Variants in ADAM22 observed in about 807,000 individuals in gnomAD.
The protein encoded by ADAM22 is ADAM metallopeptidase domain 22, also known as disintegrin and metalloproteinase domain-containing protein 22.
A neutral mutation model predicts 144.6 loss-of-function variants in ADAM22; 65 were observed. That is an observed-to-expected ratio of 0.45 (90% CI 0.37 to 0.55). The LOEUF is 0.55. Among genes scored for constraint, ADAM22 ranks in the 20% least tolerant of loss-of-function variants. ADAM22 has a pLI of 0.00. For missense variants in ADAM22, 974 were observed against 1,184.9 expected (o/e 0.82, Z 2.61); for synonymous variants, 391 against 412.6 (o/e 0.95, Z 0.63).
At chr7:88,195,870 T>C (rs1850582827) in intron 31 of ADAM22, among the ~76,000 whole-genome samples, 1 of 152,078 alleles carries the variant, frequency 6.6e-6, no homozygotes, top group African/African-American at 2.4e-5. Context: ...ATGGCAGTGA[T>C]TTTCAAGTGG....
At chr7:88,007,198 G>T (rs1308400738) in intron 3 of ADAM22, among the ~76,000 whole-genome samples, 2 of 152,168 alleles carry the variant, frequency 1.3e-5, no homozygotes, top group African/African-American at 4.8e-5. Context: ...CAAGGGATGT[G>T]AAGGACCTCT....
At chr7:87,971,096 G>A (rs1184507410) in intron 2 of ADAM22, among the ~76,000 whole-genome samples, 2 of 152,036 alleles carry the variant, frequency 1.3e-5, no homozygotes, top group African/African-American at 4.8e-5. Flanking sequence ...ATAACTCTGA[G>A]TTTGTAAGGT....
At chr7:88,072,058 G>A (rs1812979188) in intron 3 of ADAM22, among the ~76,000 whole-genome samples, 1 of 152,176 alleles carries the variant, frequency 6.6e-6, no homozygotes, top group African/African-American at 2.4e-5. Flanking sequence ...TTATGGTTTA[G>A]TAGAGGGAAA....
chr7:88,149,780 G>A (rs1396120628), intron 18 of ADAM22, among the ~76,000 whole-genome samples: 1 of 152,122 alleles, frequency 6.6e-6, no homozygotes, highest in Non-Finnish European at 1.5e-5. Flanking sequence ...TGAAAGAATA[G>A]TATTTATTTA....
chr7:87,934,528 T>A lies in ADAM22; in HGVS notation c.63T>A (p.Pro21=). 1.9e-6 allele frequency: 3 copies of A among 1,608,748 alleles called. No individual in the cohort carries two copies. The highest frequency in any genetic ancestry group is 2.5e-6 in the Non-Finnish European group (3 of 1,179,570). ...TGCTCTGTGTCCTGGGGACCTGCCCTCCGGCGCGCTGCGGCCAGGCAGGTA... is the reference window on the plus strand; with the variant it reads ...TGCTCTGTGTCCTGGGGACCTGCCCACCGGCGCGCTGCGGCCAGGCAGGTA... ...FLLLCVLGTC[P]PARCGQAGDA... Residue 21 remains proline, a synonymous_variant, in exon 1 of 32, where the codon CCT becomes CCA. Transcript: ENST00000413139.
intron 9 of ADAM22, among the ~76,000 whole-genome samples, chr7:88,129,147 G>A (rs1831134925): frequency 1.3e-5 from 2 of 151,984 alleles, no homozygotes; most frequent in East Asian, 3.9e-4. Flanking sequence ...TTTAGCTTAG[G>A]ATGAAGTTTC....
chr7:88,190,822 T>C (rs1220787119), intron 30 of ADAM22, among the ~76,000 whole-genome samples: 1 of 151,934 alleles, frequency 6.6e-6, no homozygotes, highest in African/African-American at 2.4e-5. Flanking sequence ...GTGCTCTCCA[T>C]CTTCCCAAAA....
intron 2 of ADAM22, among the ~76,000 whole-genome samples, chr7:87,974,059 C>G (rs942509650): frequency 1.9e-4 from 28 of 149,138 alleles, no homozygotes; most frequent in African/African-American, 5.7e-4. Flanking sequence ...GCACGTTGTG[C>G]ACATGTACCC....
At chr7:87,955,483 G>A (rs921125641) in intron 2 of ADAM22, among the ~76,000 whole-genome samples, 6 of 152,152 alleles carry the variant, frequency 3.9e-5, no homozygotes, top group African/African-American at 7.2e-5. Flanking sequence ...CTGTCTGATC[G>A]TTCCTCTGGA....
At chr7:88,145,539 A>G (rs1247268838) in intron 17 of ADAM22, 32 bp downstream of exon 17, 1 of 1,525,808 alleles carries the variant, frequency 6.6e-7, no homozygotes, top group South Asian at 1.1e-5. Flanking sequence ...TTTGACAGAA[A>G]AAAAGGACAT....
intron 2 of ADAM22, among the ~76,000 whole-genome samples, chr7:87,953,088 A>G (rs1473269541): frequency 1.3e-5 from 2 of 149,584 alleles, no homozygotes; most frequent in Non-Finnish European, 3.0e-5. Context: ...TCAAAAAACC[A>G]GCTCCTGGCT....
chr7:88,179,141 TCTTC>T lies in ADAM22; in HGVS notation c.2495+17_2495+20del, dbSNP rs1157772866. The T allele has an allele frequency of 1.7e-5, 16 of 944,308 alleles. No individual in the cohort carries two copies. Among genetic ancestry groups the T allele is most frequent in the Admixed American group, 6.2e-5 (3 of 48,560 alleles). The allele number at this position is 944,308 out of a possible 1,614,324, so 58.5% of individuals were successfully genotyped here. On this transcript the variant is annotated intron_variant, in intron 27 of 31. Coordinates refer to ENST00000413139, the MANE Select transcript of ADAM22 (RefSeq NM_001324418.2). Reference sequence around the variant, plus strand: ...TTATTTTGCAGCAGGTTTGATTACTTCTTCCTTCTTTCTTGAATGTTAAAAAATA... The same window carrying T: ...TTATTTTGCAGCAGGTTTGATTACTTCTTCTTTCTTGAATGTTAAAAAATA...
At chr7:88,165,991 G>T in intron 24 of ADAM22, 45 bp downstream of exon 24, 1 of 1,404,730 alleles carries the variant, frequency 7.1e-7, no homozygotes. Flanking sequence ...TATACACAAA[G>T]AGAAAGCTGC....
intron 17 of ADAM22, among the ~76,000 whole-genome samples, chr7:88,148,047 A>AG (rs1217908175): frequency 6.6e-6 from 1 of 152,190 alleles, no homozygotes; most frequent in Non-Finnish European, 1.5e-5. Flanking sequence ...CTAAAAAAAA[A>AG]TACTTGTTGA....
intron 2 of ADAM22, among the ~76,000 whole-genome samples, chr7:87,940,055 G>C (rs139160322): frequency 1.3e-5 from 2 of 152,012 alleles, no homozygotes; most frequent in Admixed American, 1.3e-4. Flanking sequence ...AGCCTGGTGT[G>C]GTGGTGGGCA....
At chr7:87,991,506 A>G (rs1224824323) in intron 3 of ADAM22, among the ~76,000 whole-genome samples, 8 of 151,932 alleles carry the variant, frequency 5.3e-5, no homozygotes, top group African/African-American at 1.9e-4. Flanking sequence ...AGCTGGGACT[A>G]CAGGCGCCCG....
rs555593641 is a variant in ADAM22, at chr7:88,083,229, A to G, written c.390+7537A>G. Among the ~76,000 whole-genome samples the G allele has an allele frequency of 2.6e-3, 403 of 152,250 alleles. 4 individuals are homozygous for G. The highest frequency in any genetic ancestry group is 5.9e-3 in the Admixed American group (90 of 15,292). ...TGGAAACCATCATTCTCAGCAAACT[A>G]TTGCGAGGACAAAAAACCAAACACC... On this transcript the variant is annotated intron_variant, in intron 4 of 31. Coordinates refer to ENST00000413139, the MANE Select transcript of ADAM22 (RefSeq NM_001324418.2).
chr7:88,015,949 A>G (rs202240364), intron 3 of ADAM22, among the ~76,000 whole-genome samples: 2 of 144,766 alleles, frequency 1.4e-5, no homozygotes, highest in Non-Finnish European at 3.1e-5. Context: ...CTTTTTTTTT[A>G]ATTTTTCTTC....
intron 9 of ADAM22, among the ~76,000 whole-genome samples, chr7:88,129,490 C>A (rs1280196506): frequency 1.3e-5 from 2 of 151,996 alleles, no homozygotes; most frequent in Non-Finnish European, 2.9e-5. Context: ...ATAATAACAA[C>A]ACAATCAGGA....
Sources: gnomAD v4.1 joint callset for allele counts (sites outside exome capture counted in the v4.1 genomes callset) on GRCh38, gnomAD v4.1.1 for gene constraint, MANE v1.5 for transcripts, NCBI Gene and HGNC (gene_info 2026-07-23, HGNC 2026-07-21) for gene names.